NAV1: variants seen among roughly 807,000 people sequenced by gnomAD.
NAV1 encodes pore membrane and/or filament interacting like protein 3.
In NAV1, 18 loss-of-function variants were observed where a neutral mutation model predicts 175.2. The ratio of observed to expected loss-of-function variants is 0.10; its 90% CI spans 0.07 to 0.15. The LOEUF is 0.15. Among genes scored for constraint, NAV1 ranks in the 10% least tolerant of loss-of-function variants. The pLI is 1.00. For missense variants in NAV1, 1,731 were observed against 2,436.6 expected (o/e 0.71, Z 6.10); for synonymous variants, 897 against 978.7 (o/e 0.92, Z 1.56).
At chr1:201,689,644 A>G (rs188161295) in intron 1 of NAV1, among the ~76,000 whole-genome samples, 16 of 151,730 alleles carry the variant, frequency 1.1e-4, no homozygotes, top group Admixed American at 4.6e-4. Context: ...ATAAGCCCTG[A>G]CTCTAGGGGT....
rs542817489 is a variant in NAV1, at chr1:201,719,020, C to T, written c.1226+265C>T. Among the ~76,000 whole-genome samples, 5 of 152,144 alleles carry T rather than the reference C, an allele frequency of 3.3e-5. No homozygotes were observed. The East Asian group carries it at 9.7e-4, about 29-fold the overall frequency. ...GCCTCCCTCTCATTGGTCTCTGTGG[C>T]TGTCATTCTGTCACCCTCCTCCCTG... is the stretch of plus-strand genomic sequence containing the variant. On this transcript the variant is annotated intron_variant, in intron 3 of 29. Coordinates refer to ENST00000367296, the Ensembl canonical transcript of NAV1.
At chr1:201,781,330 G>A in intron 5 of NAV1, 21 bp downstream of exon 9, 1 of 1,581,060 alleles carries the variant, frequency 6.3e-7, no homozygotes, top group African/African-American at 1.4e-5. Context: ...AATAAAGGAA[G>A]GTACAAGGGC....
intron 1 of NAV1, among the ~76,000 whole-genome samples, chr1:201,679,134 C>T (rs927752483): frequency 2.6e-5 from 4 of 152,182 alleles, no homozygotes; most frequent in Non-Finnish European, 2.9e-5. Flanking sequence ...CCTGAGCCTG[C>T]GGGCAGAGAG....
At chr1:201,585,501 G>C (rs1666998705) in intron 1 of NAV1, among the ~76,000 whole-genome samples, 1 of 151,538 alleles carries the variant, frequency 6.6e-6, no homozygotes, top group Non-Finnish European at 1.5e-5. Context: ...GTGCCTCAAA[G>C]GAAAATATTG....
At chr1:201,649,233 C>T (rs141476948) in exon 1 of NAV1, 2 of 1,613,038 alleles carry the variant, frequency 1.2e-6, no homozygotes, top group Admixed American at 1.7e-5. Flanking sequence ...CAGCAAGGCG[C>T]CTGAAGCGGC....
chr1:201,728,160 T>TGCACTCTGTTGCACTCTA (rs1376376052), intron 3 of NAV1, among the ~76,000 whole-genome samples: 2 of 152,148 alleles, frequency 1.3e-5, no homozygotes, highest in Non-Finnish European at 1.5e-5. Flanking sequence ...CTCACTCTGT[T>TGCACTCTGTTGCACTCTA]GCACAGGCTA....
intron 2 of NAV1, among the ~76,000 whole-genome samples, chr1:201,613,333 G>A (rs1191504118): frequency 1.3e-5 from 2 of 151,272 alleles, no homozygotes; most frequent in Non-Finnish European, 1.5e-5. Flanking sequence ...TAAATGGACT[G>A]TCCTATTTGT....
intron 2 of NAV1, among the ~76,000 whole-genome samples, chr1:201,641,581 A>G (rs1275597983): frequency 6.6e-6 from 1 of 152,240 alleles, no homozygotes; most frequent in Non-Finnish European, 1.5e-5. Flanking sequence ...AACAATGGCT[A>G]GAGGGCTTTC....
At chr1:201,692,040 T>TC (rs1670968836) in intron 1 of NAV1, among the ~76,000 whole-genome samples, 1 of 152,180 alleles carries the variant, frequency 6.6e-6, no homozygotes, top group South Asian at 2.1e-4. Context: ...ATATCTCTTT[T>TC]CCCTTTACCC....
chr1:201,764,656 T>C (rs1489201128), intron 3 of NAV1, among the ~76,000 whole-genome samples: 1 of 152,110 alleles, frequency 6.6e-6, no homozygotes. Context: ...CTCTTAACCT[T>C]AGGGCAAAAA....
Position 201,665,598 on chromosome 1 carries a change from C to G in NAV1, c.757+16173C>G, listed in dbSNP as rs907149477. On this transcript the variant is annotated intron_variant, in intron 1 of 29. Transcript: ENST00000367296. ...GAGGGCAAGAGCACCCCACCCCCCCCACTGCCCACCACCTCCTGAGGTCAG... is the reference window on the plus strand; with the variant it reads ...GAGGGCAAGAGCACCCCACCCCCCCGACTGCCCACCACCTCCTGAGGTCAG... Among the ~76,000 whole-genome samples the G allele has an allele frequency of 3.4e-5, 3 of 88,054 alleles. No homozygotes were observed. The Admixed American group carries it at 4.3e-4, about 13-fold the overall frequency. The allele number at this position is 88,054 out of a possible 152,430, so 57.8% of individuals were successfully genotyped here. A position where few individuals can be genotyped will look rare whatever the true frequency, so the allele number is the denominator to read the frequency against.
intron 1 of NAV1, among the ~76,000 whole-genome samples, chr1:201,576,673 G>T (rs1666700484): frequency 6.6e-6 from 1 of 152,188 alleles, no homozygotes; most frequent in South Asian, 2.1e-4. Context: ...TGGGTCACGT[G>T]TTAGTTGCAA....
intron 3 of NAV1, among the ~76,000 whole-genome samples, chr1:201,742,632 C>T (rs1309088896): frequency 6.6e-6 from 1 of 152,098 alleles, no homozygotes. Flanking sequence ...TGGAAAGAAC[C>T]CTTAGCTAGA....
intron 1 of NAV1, among the ~76,000 whole-genome samples, chr1:201,676,642 G>A (rs143828733): frequency 3.3e-4 from 50 of 151,900 alleles, no homozygotes; most frequent in African/African-American, 1.2e-3. Context: ...CACCCAACCA[G>A]CTCTGCTTTT....
intron 1 of NAV1, among the ~76,000 whole-genome samples, chr1:201,553,406 G>T (rs1665920267): frequency 6.6e-6 from 1 of 152,236 alleles, no homozygotes; most frequent in Non-Finnish European, 1.5e-5. Context: ...CAGATTTCAG[G>T]TCTAGAGAGA....
chr1:201,553,485 G>A (rs1665923591), intron 1 of NAV1, among the ~76,000 whole-genome samples: 1 of 152,238 alleles, frequency 6.6e-6, no homozygotes. Flanking sequence ...CAACCGAGAA[G>A]GAGGGAATCC....
At chr1:201,700,528 G>A (rs1671370032) in intron 1 of NAV1, among the ~76,000 whole-genome samples, 1 of 152,194 alleles carries the variant, frequency 6.6e-6, no homozygotes, top group African/African-American at 2.4e-5. Context: ...AGATAGTGTG[G>A]CAATTCCAAG....
Position 201,717,425 on chromosome 1 carries a change from A to G in NAV1, c.861-965A>G, listed in dbSNP as rs143753397. On this transcript the variant is annotated intron_variant, in intron 2 of 29. Coordinates refer to ENST00000367296, the Ensembl canonical transcript of NAV1. ...CCCCACTGCTAGGCTAGATGGAATT[A>G]TGGGTCTCAGCCTGAACCCAAGTCC... 2.0e-4 allele frequency among the ~76,000 whole-genome samples: 30 copies of G among 152,306 alleles called. No individual in the cohort carries two copies. The East Asian group carries it at 5.8e-3, about 29-fold the overall frequency.
intron 3 of NAV1, among the ~76,000 whole-genome samples, chr1:201,769,581 A>T (rs1675433586): frequency 6.6e-6 from 1 of 152,166 alleles, no homozygotes; most frequent in South Asian, 2.1e-4. Context: ...ATTTGTTTCC[A>T]TGAAGTAGGG....
Sources: allele counts gnomAD v4.1 joint callset (sites outside exome capture counted in the v4.1 genomes callset), GRCh38; gene constraint gnomAD v4.1.1; transcripts MANE v1.5; gene names NCBI Gene and HGNC (gene_info 2026-07-23, HGNC 2026-07-21).